Variants in GRIN2B observed in about 807,000 individuals in gnomAD.
The protein encoded by GRIN2B is glutamate receptor ionotropic, NMDA 2B.
GRIN2B carries 5 observed loss-of-function variants against 114.5 expected under a neutral mutation model. That is an observed-to-expected ratio of 0.04 (90% CI 0.02 to 0.09). The LOEUF is 0.09. Among genes scored for constraint, GRIN2B ranks in the 10% least tolerant of loss-of-function variants. The probability of loss-of-function intolerance (pLI) is 1.00; values close to 1 mark genes in which losing one functional copy is unlikely to be tolerated. For synonymous variants in GRIN2B, 787 were observed against 745.1 expected (o/e 1.06, Z -0.92); for missense variants, 1,108 against 1,943.5 (o/e 0.57, Z 8.08).
At chr12:13,858,299 ATCT>A (rs1311139379) in intron 3 of GRIN2B, among the ~76,000 whole-genome samples, 1 of 152,204 alleles carries the variant, frequency 6.6e-6, no homozygotes, top group Non-Finnish European at 1.5e-5. Context: ...CAATAATTAG[ATCT>A]TCTTTGTCCG....
intron 3 of GRIN2B, among the ~76,000 whole-genome samples, chr12:13,803,053 T>C (rs1430825492): frequency 6.6e-6 from 1 of 152,178 alleles, no homozygotes; most frequent in African/African-American, 2.4e-5. Context: ...CCTCTATGAT[T>C]ATCCACTTCC....
intron 2 of GRIN2B, among the ~76,000 whole-genome samples, chr12:13,899,844 TTTAA>T (rs1462618726): frequency 9.4e-6 from 1 of 106,112 alleles, no homozygotes; most frequent in Non-Finnish European, 2.7e-5. Flanking sequence ...TACAAATTTT[TTTAA>T]TTGAGGAATA....
intron 5 of GRIN2B, among the ~76,000 whole-genome samples, chr12:13,664,991 C>T (rs971579638): frequency 1.1e-4 from 17 of 152,150 alleles, no homozygotes; most frequent in African/African-American, 3.4e-4. Context: ...CAGAAGATGA[C>T]TATTTCCTCG....
At chr12:13,668,685 T>C (rs2136534052) in intron 5 of GRIN2B, among the ~76,000 whole-genome samples, 1 of 152,194 alleles carries the variant, frequency 6.6e-6, no homozygotes, top group East Asian at 1.9e-4. Context: ...ATGGAGTCTT[T>C]ACTAATGAAC....
chr12:13,932,994 CGT>C (rs145061374), intron 2 of GRIN2B, among the ~76,000 whole-genome samples: 5,745 of 127,206 alleles, frequency 0.045, 350 homozygotes, highest in African/African-American at 0.14. Flanking sequence ...TGTGCGTGTG[CGT>C]GTGTGTGTGT....
chr12:13,748,439 G>T (rs1471607047), intron 4 of GRIN2B, among the ~76,000 whole-genome samples: 1 of 152,190 alleles, frequency 6.6e-6, no homozygotes, highest in Non-Finnish European at 1.5e-5. Context: ...TTGGAGAAAT[G>T]ACAAATGAAA....
At chr12:13,917,715 T>C (rs1473608412) in intron 2 of GRIN2B, among the ~76,000 whole-genome samples, 3 of 152,182 alleles carry the variant, frequency 2.0e-5, no homozygotes, top group Non-Finnish European at 2.9e-5. Context: ...GAAAACGATA[T>C]AATATCACTG....
chr12:13,667,788 A>G lies in GRIN2B; in HGVS notation c.1125+7957T>C, dbSNP rs1044015542. Among the ~76,000 whole-genome samples, 4 of 152,334 alleles carry G rather than the reference A, an allele frequency of 2.6e-5. No homozygotes were observed. The South Asian group carries it at 6.2e-4, about 24-fold the overall frequency. ...GTGTACACACAGAATGCACAGAAAA[A>G]AAACACTGGAAAGAAATTTTAAAAT... On this transcript the variant is annotated intron_variant, in intron 5 of 13. Transcript: ENST00000609686.
intron 5 of GRIN2B, among the ~76,000 whole-genome samples, chr12:13,666,132 A>T (rs1318631494): frequency 6.6e-6 from 1 of 152,196 alleles, no homozygotes; most frequent in Non-Finnish European, 1.5e-5. Context: ...AGGGCAGTGG[A>T]GCACGGGCTT....
At chr12:13,715,092 GGT>G (rs1373449366) in intron 4 of GRIN2B, among the ~76,000 whole-genome samples, 3 of 151,772 alleles carry the variant, frequency 2.0e-5, no homozygotes, top group African/African-American at 7.3e-5. Context: ...TGGTGGTGGT[GGT>G]GATAGTTATG....
intron 4 of GRIN2B, among the ~76,000 whole-genome samples, chr12:13,728,778 T>TG (rs1863035334): frequency 2.0e-5 from 3 of 152,200 alleles, no homozygotes; most frequent in Non-Finnish European, 2.9e-5. Flanking sequence ...GAGTATAATT[T>TG]GCTATTGCCA....
At chr12:13,886,894 A>T (rs754966687) in intron 2 of GRIN2B, among the ~76,000 whole-genome samples, 1 of 152,218 alleles carries the variant, frequency 6.6e-6, no homozygotes, top group Non-Finnish European at 1.5e-5. Flanking sequence ...TGCTTTATAT[A>T]TAGTAATTCA....
At chr12:13,897,398 G>A (rs964307721) in intron 2 of GRIN2B, among the ~76,000 whole-genome samples, 2 of 152,132 alleles carry the variant, frequency 1.3e-5, no homozygotes, top group Admixed American at 6.5e-5. Context: ...AGGCTCCAGG[G>A]AGAGAAATCT....
rs778677489 is a variant in GRIN2B, at chr12:13,563,023, G to A, written c.4215C>T (p.Phe1405=). The part of the protein sequence containing the change: ...QCLLHGSKSY[F]FRQPTVAGAS... ...CCCCCGCCACCGTGGGCTGCCTGAA[G>A]AAGTAGGATTTGCTGCCATGGAGCA... The change falls in exon 14 of 14, where the codon TTC becomes TTT. Residue 1405 remains phenylalanine (F), a synonymous_variant. Coordinates refer to ENST00000609686, the MANE Select transcript of GRIN2B (RefSeq NM_000834.5). 6 of 1,613,892 alleles carry A rather than the reference G, an allele frequency of 3.7e-6. No individual in the cohort carries two copies. Among genetic ancestry groups the A allele is most frequent in the Middle Eastern group, 3.3e-4 (2 of 6,084 alleles).
At chr12:13,957,302 G>A (rs1015948440) in intron 2 of GRIN2B, among the ~76,000 whole-genome samples, 1 of 152,112 alleles carries the variant, frequency 6.6e-6, no homozygotes, top group African/African-American at 2.4e-5. Flanking sequence ...GGGAAGAAAG[G>A]TACTTAGGGC....
In GRIN2B at chr12:13,551,324, T is replaced by C. The variant is rs1228242549; in HGVS notation, c.*11459A>G. Reference sequence around the variant, plus strand: ...TGTATGTATCTAAGCAACAGGACTGTCTGTTCTCAGGGGGACTGGCTTCTG... The same window carrying C: ...TGTATGTATCTAAGCAACAGGACTGCCTGTTCTCAGGGGGACTGGCTTCTG... On this transcript the variant is annotated 3_prime_UTR_variant, in exon 14 of 14. Transcript: ENST00000609686. The C allele has an allele frequency of 6.6e-6, 1 of 152,190 alleles. No homozygotes were observed. The highest frequency in any genetic ancestry group is 1.5e-5 in the Non-Finnish European group (1 of 68,052). The allele number at this position is 152,190 out of a possible 1,614,324, so 9.4% of individuals were successfully genotyped here.
At chr12:13,873,962 GGAGA>G (rs1329157116) in intron 2 of GRIN2B, among the ~76,000 whole-genome samples, 13 of 152,158 alleles carry the variant, frequency 8.5e-5, no homozygotes, top group Non-Finnish European at 1.6e-4. Context: ...AGGATAGATG[GGAGA>G]GAGGGAAAAG....
At chr12:13,715,764 G>A (rs1295491673) in intron 4 of GRIN2B, among the ~76,000 whole-genome samples, 1 of 151,838 alleles carries the variant, frequency 6.6e-6, no homozygotes, top group Non-Finnish European at 1.5e-5. Flanking sequence ...GAAGCTTACT[G>A]CAAAATATAA....
At chr12:13,912,655 C>A in intron 2 of GRIN2B, among the ~76,000 whole-genome samples, 1 of 152,008 alleles carries the variant, frequency 6.6e-6, no homozygotes, top group East Asian at 1.9e-4. Flanking sequence ...AGGAGTGTGC[C>A]CTTAATATTT....
Sources: allele counts gnomAD v4.1 joint callset (sites outside exome capture counted in the v4.1 genomes callset), GRCh38; gene constraint gnomAD v4.1.1; transcripts MANE v1.5; gene names NCBI Gene and HGNC (gene_info 2026-07-23, HGNC 2026-07-21).